The following RASGRP3 variants were observed in gnomAD, a reference collection of about 807,000 sequenced individuals.
RASGRP3 encodes ras guanyl-releasing protein 3.
RASGRP3 carries 54 observed loss-of-function variants against 82.7 expected under a neutral mutation model. The observed-to-expected ratio is 0.65, with a 90% CI of 0.52 to 0.82. The LOEUF (loss-of-function observed/expected upper bound fraction) is 0.82, where lower values mean the gene tolerates loss of function less well. Among genes scored for constraint, RASGRP3 ranks in the 40% least tolerant of loss-of-function variants. RASGRP3 has a pLI of 0.00. For missense variants in RASGRP3, 861 were observed against 828.9 expected, an observed-to-expected ratio of 1.04 and a Z score of -0.48; for synonymous variants, 309 against 300.5, an observed-to-expected ratio of 1.03 and a Z score of -0.29.
intron 1 of RASGRP3, among the ~76,000 whole-genome samples, chr2:33,447,105 CA>C (rs1161927671): frequency 0.016 from 939 of 59,288 alleles, 2 homozygotes; most frequent in African/African-American, 0.036. Context: ...GACTCCGTCT[CA>C]AAAAAAAAAA....
At chr2:33,530,605 C>CT in intron 10 of RASGRP3, among the ~76,000 whole-genome samples, 1 of 149,982 alleles carries the variant, frequency 6.7e-6, no homozygotes, top group East Asian at 2.0e-4. Context: ...CTCAAATGGA[C>CT]ATTTGCTCTC....
chr2:33,507,955 C>A (rs560587958), intron 1 of RASGRP3, among the ~76,000 whole-genome samples: 12 of 152,322 alleles, frequency 7.9e-5, no homozygotes, highest in Middle Eastern at 3.4e-3. Flanking sequence ...TGATGGTTGT[C>A]TAAACCAGCA....
intron 2 of RASGRP3, among the ~76,000 whole-genome samples, chr2:33,456,674 C>G (rs1666052073): frequency 6.6e-6 from 1 of 152,112 alleles, no homozygotes; most frequent in African/African-American, 2.4e-5. Flanking sequence ...AGTTTGAGGT[C>G]TTGACATATT....
intron 1 of RASGRP3, among the ~76,000 whole-genome samples, chr2:33,444,755 G>C (rs1206149847): frequency 6.6e-6 from 1 of 152,104 alleles, no homozygotes; most frequent in Non-Finnish European, 1.5e-5. Context: ...ACCTGGGCTG[G>C]GTAACTATGG....
intron 1 of RASGRP3, among the ~76,000 whole-genome samples, chr2:33,443,761 G>C (rs1665357457): frequency 6.8e-6 from 1 of 146,502 alleles, no homozygotes; most frequent in South Asian, 2.2e-4. Flanking sequence ...CGTGCTTATA[G>C]TCCTAGATAT....
intron 1 of RASGRP3, among the ~76,000 whole-genome samples, chr2:33,485,266 A>G (rs761817373): frequency 2.0e-5 from 3 of 152,242 alleles, no homozygotes; most frequent in Admixed American, 6.5e-5. Context: ...TGTCCTTGTC[A>G]TGCAATTGAC....
intron 15 of RASGRP3, among the ~76,000 whole-genome samples, chr2:33,557,139 A>G (rs575989274): frequency 6.6e-6 from 1 of 152,156 alleles, no homozygotes; most frequent in Non-Finnish European, 1.5e-5. Flanking sequence ...TCTCTATTCA[A>G]TGATTCTCAG....
intron 10 of RASGRP3, chr2:33,531,088 G>T (rs1168472427): frequency 6.6e-6 from 1 of 152,206 alleles, no homozygotes; most frequent in African/African-American, 2.4e-5. Context: ...AATAAGAAGA[G>T]TTTCAAAAAT....
At chr2:33,513,715 C>T (rs575210233) in intron 2 of RASGRP3, among the ~76,000 whole-genome samples, 111 of 152,254 alleles carry the variant, frequency 7.3e-4, no homozygotes, top group African/African-American at 2.3e-3. Flanking sequence ...TATCCAGCAG[C>T]GATGCTTTTG....
chr2:33,527,027 A>C, intron 9 of RASGRP3, 110 bp from the exon 10 acceptor site: 1 of 1,135,964 alleles, frequency 8.8e-7, no homozygotes, highest in Non-Finnish European at 1.2e-6. Flanking sequence ...CATTGGTGCA[A>C]GTGATACTTT....
chr2:33,495,028 TTAAG>T, intron 1 of RASGRP3, among the ~76,000 whole-genome samples: 1 of 152,226 alleles, frequency 6.6e-6, no homozygotes, highest in Non-Finnish European at 1.5e-5. Flanking sequence ...GTCAGAAGGC[TTAAG>T]TAAGCATAGT....
upstream of RASGRP3, chr2:33,476,535 C>G (rs1667388858): frequency 6.6e-6 from 1 of 152,212 alleles, no homozygotes. Flanking sequence ...GAATGATCTT[C>G]AGTTTCTGAC....
chr2:33,443,523 A>C (rs1417716857), intron 1 of RASGRP3, among the ~76,000 whole-genome samples: 1 of 152,100 alleles, frequency 6.6e-6, no homozygotes, highest in Non-Finnish European at 1.5e-5. Flanking sequence ...ATGGAGTAAA[A>C]TTCGGCAGCA....
chr2:33,471,805 T>A (rs778414223), upstream of RASGRP3, among the ~76,000 whole-genome samples: 42 of 152,314 alleles, frequency 2.8e-4, no homozygotes, highest in Admixed American at 7.8e-4. Flanking sequence ...TTTGGCTATG[T>A]CTCCCAATAT....
At chr2:33,464,533 G>A (rs181520438) in intron 2 of RASGRP3, among the ~76,000 whole-genome samples, 3 of 150,834 alleles carry the variant, frequency 2.0e-5, no homozygotes, top group African/African-American at 4.9e-5. Context: ...GAGTGCAGTG[G>A]CCAATCACAG....
rs557521461 is a variant in RASGRP3, at chr2:33,450,951, C to T, written c.-261+3008C>T. On this transcript the variant is annotated intron_variant, in intron 2 of 18. Transcript: ENST00000402538. ...CTCCCAGGTTCACAGCATTCTCCTG[C>T]CTCAGCCTCCTGAGTAGCTGGGACT... 4.7e-5 allele frequency among the ~76,000 whole-genome samples: 7 copies of T among 149,500 alleles called. 1 individual carries two copies. The East Asian group carries it at 1.4e-3, about 30-fold the overall frequency.
intron 1 of RASGRP3, among the ~76,000 whole-genome samples, chr2:33,498,407 C>T (rs1021930434): frequency 6.6e-6 from 1 of 152,116 alleles, no homozygotes; most frequent in South Asian, 2.1e-4. Flanking sequence ...TGCTCTTTAC[C>T]ATTACATTGT....
chr2:33,528,613 G>A (rs528805684), intron 10 of RASGRP3, among the ~76,000 whole-genome samples: 1 of 152,258 alleles, frequency 6.6e-6, no homozygotes, highest in South Asian at 2.1e-4. Context: ...TAATTTCTGA[G>A]AGCCTAAATC....
intron 15 of RASGRP3, 76 bp downstream of exon 15, chr2:33,555,643 A>G: frequency 7.9e-7 from 1 of 1,258,812 alleles, no homozygotes; most frequent in South Asian, 1.3e-5. Flanking sequence ...TGGTTAAACT[A>G]CAAAAGCTCT....
Sources: allele counts gnomAD v4.1 joint callset (sites outside exome capture counted in the v4.1 genomes callset), GRCh38; gene constraint gnomAD v4.1.1; transcripts MANE v1.5; gene names NCBI Gene and HGNC (gene_info 2026-07-23, HGNC 2026-07-21).